The following BCAS3 variants were observed in gnomAD, a reference collection of about 807,000 sequenced individuals.
The protein encoded by BCAS3 is BCAS3 microtubule associated cell migration factor.
BCAS3 carries 53 observed loss-of-function variants against 116.1 expected under a neutral mutation model. The ratio of observed to expected loss-of-function variants is 0.46; its 90% CI spans 0.37 to 0.57. BCAS3 has a LOEUF of 0.57. Among genes scored for constraint, BCAS3 ranks in the 20% least tolerant of loss-of-function variants. BCAS3 has a pLI of 0.00. For missense variants in BCAS3, 917 were observed against 1,165.4 expected (o/e 0.79, Z 3.10); for synonymous variants, 391 against 408.2 (o/e 0.96, Z 0.51).
At position 61,366,507 on chromosome 17, in the gene BCAS3, G is replaced by T. The variant is rs958042492; in HGVS notation, c.2426-1820G>T. On this transcript the variant is annotated intron_variant, in intron 22 of 23. Coordinates refer to ENST00000407086, the MANE Select transcript of BCAS3 (RefSeq NM_017679.5). The surrounding 1 kb of genome is among the most constrained non-coding windows in gnomAD (Gnocchi z 4.5). The stretch of plus-strand genomic sequence containing the variant: ...CTGGGAGTTGTTGCCAAGGGTGGTT[G>T]AGTGTTGGCTCTGAGCTTGGCACTG... 1.3e-5 allele frequency among the ~76,000 whole-genome samples: 2 copies of T among 152,228 alleles called. No individual in the cohort carries two copies. The highest frequency in any genetic ancestry group is 2.9e-5 in the Non-Finnish European group (2 of 68,046).
chr17:61,314,000 C>T lies in BCAS3; in HGVS notation c.2426-54327C>T, dbSNP rs2054538738. Among the ~76,000 whole-genome samples the T allele has an allele frequency of 6.6e-6, 1 of 152,224 alleles. No individual in the cohort carries two copies. The highest frequency in any genetic ancestry group is 1.5e-5 in the Non-Finnish European group (1 of 68,040). ...TCTTTTCCATTCAAAGAAAATCTTACTTGCCTTCTGCCCAACAATTTATCT... is the reference window on the plus strand; with the variant it reads ...TCTTTTCCATTCAAAGAAAATCTTATTTGCCTTCTGCCCAACAATTTATCT... On this transcript the variant is annotated intron_variant, in intron 22 of 23. Transcript: ENST00000407086. This position sits in a 1 kb window ranked among gnomAD's most constrained non-coding sequence, Gnocchi z 4.3.
intron 5 of BCAS3, among the ~76,000 whole-genome samples, chr17:60,719,326 C>T (rs1031261732): frequency 6.6e-6 from 1 of 152,160 alleles, no homozygotes; most frequent in Non-Finnish European, 1.5e-5. Flanking sequence ...TAGTATTCGC[C>T]AGTGCACACT....
intron 14 of BCAS3, among the ~76,000 whole-genome samples, chr17:60,966,631 A>C (rs1314984080): frequency 1.3e-5 from 2 of 152,120 alleles, no homozygotes; most frequent in East Asian, 1.9e-4. Context: ...GAACATGTAA[A>C]AAAAATTTAT....
chr17:60,769,867 C>G (rs1045137159), intron 6 of BCAS3, among the ~76,000 whole-genome samples: 1 of 152,022 alleles, frequency 6.6e-6, no homozygotes, highest in African/African-American at 2.4e-5. Flanking sequence ...CTCCATCTCC[C>G]AGGTTCAAGT....
At chr17:61,112,552 A>T (rs2143746581) in intron 22 of BCAS3, among the ~76,000 whole-genome samples, 1 of 95,128 alleles carries the variant, frequency 1.1e-5, no homozygotes, top group African/African-American at 4.2e-5. Context: ...CTAAATATAT[A>T]TGCACCCAAT....
intron 21 of BCAS3, among the ~76,000 whole-genome samples, chr17:61,081,981 G>A (rs1038592658): frequency 1.3e-5 from 2 of 152,142 alleles, no homozygotes; most frequent in Non-Finnish European, 2.9e-5. Flanking sequence ...AATATGTAGT[G>A]CAGTGATAAT....
intron 5 of BCAS3, among the ~76,000 whole-genome samples, chr17:60,734,461 G>A (rs537897366): frequency 3.9e-5 from 6 of 152,218 alleles, no homozygotes; most frequent in African/African-American, 9.6e-5. Flanking sequence ...TTAGACTTTC[G>A]TGTTTCACAT....
At chr17:60,844,925 A>G (rs150836638) in intron 7 of BCAS3, among the ~76,000 whole-genome samples, 40 of 152,316 alleles carry the variant, frequency 2.6e-4, no homozygotes, top group African/African-American at 8.4e-4. Context: ...ATGTAAACTA[A>G]TGGTTTAAAA....
intron 12 of BCAS3, among the ~76,000 whole-genome samples, chr17:60,919,228 G>T (rs1267693085): frequency 6.6e-6 from 1 of 151,996 alleles, no homozygotes; most frequent in Non-Finnish European, 1.5e-5. Context: ...AAAACCTATT[G>T]TTGGAAGATT....
chr17:60,886,171 C>T (rs2056618156), intron 9 of BCAS3, among the ~76,000 whole-genome samples: 1 of 143,640 alleles, frequency 7.0e-6, no homozygotes, highest in African/African-American at 2.7e-5. Flanking sequence ...TCTAAACTTC[C>T]CTTCTCGCTT....
At chr17:60,815,587 G>T (rs960006639) in intron 7 of BCAS3, among the ~76,000 whole-genome samples, 1 of 152,182 alleles carries the variant, frequency 6.6e-6, no homozygotes, top group Admixed American at 6.5e-5. Context: ...ATGTAGAACA[G>T]AAGATGTAAT....
At chr17:60,851,633 A>G in intron 7 of BCAS3, 1 of 698,520 alleles carries the variant, frequency 1.4e-6, no homozygotes, top group South Asian at 1.5e-5. Context: ...GAGCAAAGGG[A>G]AAACAGGCTG....
At chr17:61,014,841 A>G (rs1469412352) in intron 15 of BCAS3, among the ~76,000 whole-genome samples, 1 of 152,324 alleles carries the variant, frequency 6.6e-6, no homozygotes, top group Admixed American at 6.5e-5. Context: ...TACATTAACA[A>G]TGAATAATCT....
At chr17:61,342,757 T>C (rs1215039781) in intron 22 of BCAS3, among the ~76,000 whole-genome samples, 3 of 151,826 alleles carry the variant, frequency 2.0e-5, no homozygotes, top group Non-Finnish European at 2.9e-5. Flanking sequence ...TTTTCTTTTT[T>C]TTTTTTTTTT....
intron 22 of BCAS3, among the ~76,000 whole-genome samples, chr17:61,110,551 G>A (rs1211199758): frequency 4.0e-5 from 6 of 151,264 alleles, no homozygotes; most frequent in East Asian, 1.9e-4. Context: ...AAAAAACGGC[G>A]CACCACGAGA....
intron 9 of BCAS3, among the ~76,000 whole-genome samples, chr17:60,881,458 A>C (rs1372312726): frequency 6.6e-6 from 1 of 150,716 alleles, no homozygotes; most frequent in African/African-American, 2.4e-5. Context: ...TTTTTATTAT[A>C]CTTTAAGTTT....
chr17:60,771,926 G>T (rs1389949400), intron 6 of BCAS3, among the ~76,000 whole-genome samples: 1 of 152,148 alleles, frequency 6.6e-6, no homozygotes, highest in Non-Finnish European at 1.5e-5. Flanking sequence ...TGGTATATAT[G>T]TGCCACGTTT....
intron 22 of BCAS3, among the ~76,000 whole-genome samples, chr17:61,209,530 T>C (rs1236221070): frequency 6.6e-6 from 1 of 152,240 alleles, no homozygotes; most frequent in Non-Finnish European, 1.5e-5. Context: ...CAGTGGTTTC[T>C]ATTTATCCGA....
chr17:60,873,370 A>T (rs1375250999), intron 8 of BCAS3, among the ~76,000 whole-genome samples: 1 of 152,192 alleles, frequency 6.6e-6, no homozygotes, highest in Non-Finnish European at 1.5e-5. Flanking sequence ...CATGCATATG[A>T]AATAATACAT....
Sources: gnomAD v4.1 joint callset for allele counts (sites outside exome capture counted in the v4.1 genomes callset) on GRCh38, gnomAD v4.1.1 for gene constraint, Gnocchi (gnomAD v3.1) non-coding constraint, MANE v1.5 for transcripts, NCBI Gene and HGNC (gene_info 2026-07-23, HGNC 2026-07-21) for gene names.